Variants in TRAM1 observed in about 807,000 individuals in gnomAD.
The protein encoded by TRAM1 is translocation associated membrane protein 1, also known as translocating chain-associated membrane protein 1.
A neutral mutation model predicts 48.7 loss-of-function variants in TRAM1; 17 were observed. The ratio of observed to expected loss-of-function variants is 0.35; its 90% CI spans 0.24 to 0.52. The LOEUF (loss-of-function observed/expected upper bound fraction) is 0.52. TRAM1 is among the 20% of genes least tolerant of loss of function. TRAM1 has a pLI of 0.94. For missense variants in TRAM1, 351 were observed against 441.5 expected, an observed-to-expected ratio of 0.79 and a Z score of 1.84; for synonymous variants, 182 against 154.0, an observed-to-expected ratio of 1.18 and a Z score of -1.34.
chr8:70,579,703 T>C (rs1817033357), intron 10 of TRAM1, among the ~76,000 whole-genome samples: 2 of 152,122 alleles, frequency 1.3e-5, no homozygotes, highest in Admixed American at 1.3e-4. Flanking sequence ...TAGTAAATGA[T>C]GTACAGAAGA....
rs562740530 is a variant in TRAM1, at chr8:70,581,829, A to C, written c.1051+1335T>G. ...ATGAAGTCTTTCTATATGCTATGAC[A>C]TGGATGAACCTCAAAGCATTATCCA... On this transcript the variant is annotated intron_variant, in intron 10 of 10. Coordinates refer to ENST00000262213, the MANE Select transcript of TRAM1 (RefSeq NM_014294.6). 9.6e-4 allele frequency among the ~76,000 whole-genome samples: 146 copies of C among 152,360 alleles called. 1 individual carries two copies. The highest frequency in any genetic ancestry group is 3.5e-3 in the African/African-American group (144 of 41,594).
chr8:70,583,711 C>A lies in TRAM1; in HGVS notation c.829G>T (p.Ala277Ser), dbSNP rs1457400999. 3 of 1,612,930 alleles carry A rather than the reference C, an allele frequency of 1.9e-6. No individual in the cohort carries two copies. In the African/African-American group the frequency reaches 4.0e-5, roughly 22 times the overall value. The change falls in exon 9 of 11, where the codon GCA becomes TCA. Residue 277 changes from alanine (A) to serine (S), a missense_variant. By Grantham distance (99) the Ala-to-Ser change is moderately conservative. Coordinates refer to ENST00000262213, the MANE Select transcript of TRAM1 (RefSeq NM_014294.6). ...LSVLTVGFGLARAENQKLDFS... is the reference protein window; with the variant it reads ...LSVLTVGFGLSRAENQKLDFS... ...TCCAGCTTCTGATTTTCTGCTCTTG[C>A]AAGGCCAAAACCAACAGTCAGTACT...
At chr8:70,590,911 G>C (rs1194612305) in intron 6 of TRAM1, among the ~76,000 whole-genome samples, 1 of 152,012 alleles carries the variant, frequency 6.6e-6, no homozygotes, top group Non-Finnish European at 1.5e-5. Flanking sequence ...AAATTAGTAA[G>C]AGAATGGGTA....
intron 6 of TRAM1, among the ~76,000 whole-genome samples, chr8:70,591,666 GA>G (rs1817364165): frequency 6.6e-6 from 1 of 152,006 alleles, no homozygotes; most frequent in African/African-American, 2.4e-5. Context: ...AAACAAAGCT[GA>G]ATATCAAATA....
chr8:70,596,154 A>G, intron 5 of TRAM1, 109 bp downstream of exon 5: 1 of 775,758 alleles, frequency 1.3e-6, no homozygotes, highest in Non-Finnish European at 1.9e-6. Context: ...ATTTTCATCT[A>G]TTTTATGCAT....
intron 1 of TRAM1, among the ~76,000 whole-genome samples, chr8:70,603,250 A>G (rs909198243): frequency 6.6e-6 from 1 of 151,644 alleles, no homozygotes. Flanking sequence ...TTTTATATAT[A>G]TATATAGTCT....
At chr8:70,607,012 A>T (rs949576625) in intron 1 of TRAM1, 1 of 919,150 alleles carries the variant, frequency 1.1e-6, no homozygotes, top group Non-Finnish European at 1.3e-6. Flanking sequence ...ATACTCCAAA[A>T]TCTCTACTCT....
intron 6 of TRAM1, among the ~76,000 whole-genome samples, chr8:70,590,628 A>T (rs1251953115): frequency 6.6e-6 from 1 of 152,220 alleles, no homozygotes; most frequent in East Asian, 1.9e-4. Flanking sequence ...CCTCCTGAGT[A>T]ACTGGGACTA....
At chr8:70,601,728 CTG>C (rs1460082491) in intron 1 of TRAM1, among the ~76,000 whole-genome samples, 3 of 152,220 alleles carry the variant, frequency 2.0e-5, no homozygotes, top group Non-Finnish European at 4.4e-5. Context: ...AAGACAGTGA[CTG>C]TGGGATACAG....
At chr8:70,582,385 C>T (rs956397589) in intron 10 of TRAM1, among the ~76,000 whole-genome samples, 2 of 150,092 alleles carry the variant, frequency 1.3e-5, no homozygotes, top group African/African-American at 4.9e-5. Flanking sequence ...ACCTTGAACT[C>T]CTGGGTTCAA....
rs969572800 is a variant in TRAM1 at position 70,576,168 on chromosome 8, A to T, written c.1052-1163T>A. Among the ~76,000 whole-genome samples the T allele has an allele frequency of 2.6e-5, 4 of 152,138 alleles. No individual in the cohort carries two copies. The East Asian group carries it at 7.7e-4, about 29-fold the overall frequency. On this transcript the variant is annotated intron_variant, in intron 10 of 10. Coordinates refer to ENST00000262213, the MANE Select transcript of TRAM1 (RefSeq NM_014294.6). Reference sequence around the variant, plus strand: ...ACAGTTAAAGCAGTGTTGAAAGGAAAAGTTTACCATTAACTGAATGTAATT... The same window carrying T: ...ACAGTTAAAGCAGTGTTGAAAGGAATAGTTTACCATTAACTGAATGTAATT...
intron 1 of TRAM1, chr8:70,607,579 A>C: frequency 1.3e-6 from 1 of 761,594 alleles, no homozygotes; most frequent in Non-Finnish European, 1.6e-6. Flanking sequence ...TGTGGTCTCC[A>C]GGCCGGCACT....
At chr8:70,597,839 A>G in intron 4 of TRAM1, 56 bp downstream of exon 4, 1 of 1,320,304 alleles carries the variant, frequency 7.6e-7, no homozygotes, top group Non-Finnish European at 1.1e-6. Context: ...TTTCATTAGC[A>G]GAGTTTCTAA....
At chr8:70,586,858 C>T (rs958399144) in intron 8 of TRAM1, 37 bp downstream of exon 8, 1 of 1,550,110 alleles carries the variant, frequency 6.5e-7, no homozygotes, top group Non-Finnish European at 8.9e-7. Context: ...ACTTTAAATA[C>T]CTAGTACACG....
intron 6 of TRAM1, among the ~76,000 whole-genome samples, chr8:70,592,362 T>C (rs1366499015): frequency 6.6e-6 from 1 of 152,198 alleles, no homozygotes; most frequent in Non-Finnish European, 1.5e-5. Context: ...TTTCTTCCAG[T>C]AAAGAGTTCC....
intron 1 of TRAM1, among the ~76,000 whole-genome samples, chr8:70,602,307 G>C (rs927736356): frequency 6.6e-6 from 1 of 152,188 alleles, no homozygotes; most frequent in Non-Finnish European, 1.5e-5. Context: ...TCCAGTAGAT[G>C]CCAGGTCAAA....
At chr8:70,596,435 C>T (rs757059806) in intron 4 of TRAM1, 114 bp from the exon 5 acceptor site, 1 of 636,920 alleles carries the variant, frequency 1.6e-6, no homozygotes, top group Non-Finnish European at 2.5e-6. Flanking sequence ...TTGCAAAGAA[C>T]CCACTAATGT....
chr8:70,598,637 C>T (rs1204503097), intron 2 of TRAM1, among the ~76,000 whole-genome samples: 1 of 152,126 alleles, frequency 6.6e-6, no homozygotes, highest in African/African-American at 2.4e-5. Flanking sequence ...TCTACTTCTA[C>T]TTTCTAACTA....
intron 7 of TRAM1, 27 bp from the exon 8 acceptor site, chr8:70,587,026 G>T (rs921172325): frequency 6.2e-7 from 1 of 1,608,948 alleles, no homozygotes; most frequent in East Asian, 2.2e-5. Flanking sequence ...TTAAAAATGG[G>T]AATATTAATT....
Sources: gnomAD v4.1 joint callset for allele counts (sites outside exome capture counted in the v4.1 genomes callset) on GRCh38, gnomAD v4.1.1 for gene constraint, MANE v1.5 for transcripts, NCBI Gene and HGNC (gene_info 2026-07-23, HGNC 2026-07-21) for gene names.